CHD9: variants seen among roughly 807,000 people sequenced by gnomAD.
CHD9 encodes ATP-dependent chromatin remodeler CHD9.
Under a neutral mutation model 316.1 loss-of-function variants are expected in CHD9, and 77 were observed. The observed-to-expected ratio is 0.24, with a 90% CI of 0.20 to 0.29. The LOEUF is 0.29. CHD9 is among the 10% of genes least tolerant of loss of function. The pLI, the probability that CHD9 is intolerant of heterozygous loss-of-function variation, is 1.00. For missense variants in CHD9, 2,763 were observed against 3,438.1 expected (o/e 0.80, Z 4.91); for synonymous variants, 1,129 against 1,158.3 (o/e 0.97, Z 0.51).
intron 2 of CHD9, among the ~76,000 whole-genome samples, chr16:53,167,973 A>G (rs1446919065): frequency 6.6e-6 from 1 of 152,112 alleles, no homozygotes; most frequent in African/African-American, 2.4e-5. Context: ...TGAAAGTAAG[A>G]TTTTGGAAGT....
chr16:53,149,721 AAT>A (rs374772728), intron 1 of CHD9, among the ~76,000 whole-genome samples: 29 of 128,132 alleles, frequency 2.3e-4, no homozygotes, highest in Non-Finnish European at 2.1e-4. Flanking sequence ...CTAATTTAAA[AAT>A]ATATATATAT....
At chr16:53,310,716 TG>T (rs2056391508) in intron 34 of CHD9, 1 of 148,930 alleles carries the variant, frequency 6.7e-6, no homozygotes, top group African/African-American at 2.5e-5. Context: ...ATTAGCGTGG[TG>T]GCGCGTGCCC....
At chr16:53,201,316 A>G (rs2045435787) in intron 2 of CHD9, among the ~76,000 whole-genome samples, 1 of 152,210 alleles carries the variant, frequency 6.6e-6, no homozygotes, top group Non-Finnish European at 1.5e-5. Context: ...ATTAAATACT[A>G]TTTGTTTTTA....
rs997879146 is a variant in CHD9, at chr16:53,314,869, C to T, written c.7409C>T (p.Pro2470Leu). Reference protein sequence around the residue: ...TSSQISTGINPALSYTQPQGI... With the variant: ...TSSQISTGINLALSYTQPQGI... ...TCACAGATTTCCACAGGGATAAATC[C>T]AGCACTATCCTATACTCAACCTCAA... The change falls in exon 36 of 39, where the codon CCA becomes CTA. Residue 2470 changes from proline to leucine, a missense_variant. Pro to Leu is a moderately conservative substitution (Grantham distance 98). Around this residue, in one of 15 missense-constraint regions of CHD9, gnomAD observed 663 missense variants for 751.2 expected, o/e 0.88. Transcript: ENST00000447540. The T allele has an allele frequency of 3.1e-6, 5 of 1,613,486 alleles. No individual in the cohort carries two copies. Among genetic ancestry groups the T allele is most frequent in the Non-Finnish European group, 3.4e-6 (4 of 1,179,732 alleles).
chr16:53,309,500 ACTAT>A (rs1380303073), intron 34 of CHD9, among the ~76,000 whole-genome samples: 5 of 152,262 alleles, frequency 3.3e-5, no homozygotes, highest in Admixed American at 6.5e-5. Context: ...TCCCCTACAA[ACTAT>A]CTGTCTGTCT....
At chr16:53,164,487 G>A (rs1415484246) in intron 2 of CHD9, among the ~76,000 whole-genome samples, 5 of 152,094 alleles carry the variant, frequency 3.3e-5, no homozygotes, top group African/African-American at 1.2e-4. Flanking sequence ...GCTGAGGCAG[G>A]AGGATCACCT....
Position 53,222,701 on chromosome 16 carries a change from A to C in CHD9, c.1842A>C (p.Glu614Asp). The C allele has an allele frequency of 6.3e-7, 1 of 1,584,348 alleles. No individual in the cohort carries two copies. The change falls in exon 4 of 39, where the codon GAA (glutamate) becomes GAC (aspartate). Residue 614 changes from glutamate (E) to aspartate (D), a missense_variant. Glu to Asp is a conservative substitution (Grantham distance 45). This residue lies in a region of CHD9 where 859 missense variants were observed against 890.4 expected (regional missense o/e 0.96). Transcript: ENST00000447540. ...KQKRKNESSD[E>D]ISDAEQMPQH... is the part of the protein sequence containing the mutation. ...AAAGAAAGAATGAGTCTTCAGATGAAATATCTGATGCAGAACAGATGCCAC... is the reference window on the plus strand; with the variant it reads ...AAAGAAAGAATGAGTCTTCAGATGACATATCTGATGCAGAACAGATGCCAC...
chr16:53,318,234 G>C lies in CHD9; in HGVS notation c.7607G>C (p.Arg2536Thr). The C allele has an allele frequency of 6.2e-7, 1 of 1,612,708 alleles. No individual in the cohort carries two copies. Among genetic ancestry groups the C allele is most frequent in the Non-Finnish European group, 8.5e-7 (1 of 1,179,240 alleles). ...FIPRMQLHEG[R>T]PKQKRHRCRN... is the part of the protein sequence containing the mutation. ...TAGAGAATGCAGCTTCATGAGGGAA[G>C]ACCCAAACAAAAAAGACACCGTTGC... The change falls in exon 37 of 39, where the codon AGA (arginine) becomes ACA (threonine). Residue 2536 changes from arginine (R) to threonine (T), a missense_variant. Coordinates refer to ENST00000447540, the MANE Select transcript of CHD9 (RefSeq NM_001308319.2).
At position 53,156,713 on chromosome 16, in the gene CHD9, C is replaced by A. The variant is rs1182218403; in HGVS notation, c.624C>A (p.Val208=). 6.2e-7 allele frequency: 1 copy of A among 1,613,992 alleles called. No homozygotes were observed. Among genetic ancestry groups the A allele is most frequent in the East Asian group, 2.2e-5 (1 of 44,884 alleles). The part of the protein sequence containing the change: ...NFMNVSGPHR[V]NVNHPPQMTN... ...TGAATGTTTCTGGTCCACATAGAGT[C>A]AATGTTAACCACCCACCACAGATGA... The change falls in exon 2 of 39, where the codon GTC becomes GTA. Residue 208 remains valine (V), a synonymous_variant. Transcript: ENST00000447540.
chr16:53,158,418 G>A (rs2041674437), intron 2 of CHD9, among the ~76,000 whole-genome samples: 1 of 152,172 alleles, frequency 6.6e-6, no homozygotes, highest in Non-Finnish European at 1.5e-5. Context: ...TCACAGTGAA[G>A]TAAGGTTAAG....
At chr16:53,058,925 C>T (rs1189994922) in intron 1 of CHD9, among the ~76,000 whole-genome samples, 1 of 152,104 alleles carries the variant, frequency 6.6e-6, no homozygotes, top group Non-Finnish European at 1.5e-5. Flanking sequence ...GTGGTATGAT[C>T]ATAGCTACTG....
At chr16:53,190,749 A>G (rs1262469157) in intron 2 of CHD9, among the ~76,000 whole-genome samples, 1 of 152,072 alleles carries the variant, frequency 6.6e-6, no homozygotes, top group African/African-American at 2.4e-5. Context: ...ATTAGCAAAT[A>G]TTTTCTAAAT....
At chr16:53,239,216 T>G (rs2152942326) in intron 12 of CHD9, among the ~76,000 whole-genome samples, 1 of 152,256 alleles carries the variant, frequency 6.6e-6, no homozygotes. Context: ...GGAAGGGATT[T>G]CCTATCCCTT....
chr16:53,161,315 C>A (rs1204988177), intron 2 of CHD9, among the ~76,000 whole-genome samples: 2 of 152,096 alleles, frequency 1.3e-5, no homozygotes, highest in African/African-American at 4.8e-5. Flanking sequence ...ATGTGGAATT[C>A]ATGACAAATT....
At chr16:53,105,406 TACA>T (rs1452144325) in intron 1 of CHD9, among the ~76,000 whole-genome samples, 1 of 152,228 alleles carries the variant, frequency 6.6e-6, no homozygotes, top group Non-Finnish European at 1.5e-5. Context: ...ACACTTATTC[TACA>T]ACTTGATTTT....
At chr16:53,308,926 C>A in intron 34 of CHD9, 72 bp downstream of exon 34, 2 of 1,204,226 alleles carry the variant, frequency 1.7e-6, no homozygotes, top group Non-Finnish European at 2.3e-6. Context: ...TTTATAGATG[C>A]TTGTAATAAA....
intron 1 of CHD9, among the ~76,000 whole-genome samples, chr16:53,127,338 T>G (rs930014770): frequency 2.0e-5 from 3 of 152,184 alleles, no homozygotes; most frequent in Non-Finnish European, 2.9e-5. Context: ...TTCCTCAAAC[T>G]TGCAGGAAAA....
At chr16:53,191,990 A>G (rs573001377) in intron 2 of CHD9, among the ~76,000 whole-genome samples, 72 of 147,838 alleles carry the variant, frequency 4.9e-4, no homozygotes, top group African/African-American at 1.7e-3. Flanking sequence ...TATGATTTTA[A>G]TTTGTGTTTT....
chr16:53,230,074 T>A (rs970422557), intron 8 of CHD9, among the ~76,000 whole-genome samples: 3 of 152,202 alleles, frequency 2.0e-5, no homozygotes, highest in East Asian at 1.9e-4. Context: ...CTTGGACATT[T>A]TAAAGGGTAC....
Sources: gnomAD v4.1 joint callset for allele counts (sites outside exome capture counted in the v4.1 genomes callset) on GRCh38, gnomAD v4.1.1 for gene constraint, gnomAD v4.1.1 regional missense constraint, MANE v1.5 for transcripts, NCBI Gene and HGNC (gene_info 2026-07-23, HGNC 2026-07-21) for gene names.